SEMA3C: variants seen among roughly 807,000 people sequenced by gnomAD.
SEMA3C encodes semaphorin 3C, also known as semaphorin-3C.
A neutral mutation model predicts 89.4 loss-of-function variants in SEMA3C; 47 were observed. The observed-to-expected ratio is 0.53, with a 90% CI of 0.42 to 0.67. The LOEUF is 0.67. SEMA3C is among the 30% of genes least tolerant of loss of function. SEMA3C has a pLI of 0.00. For synonymous variants in SEMA3C, 310 were observed against 320.2 expected, an observed-to-expected ratio of 0.97 and a Z score of 0.34; for missense variants, 839 against 929.1, an observed-to-expected ratio of 0.90 and a Z score of 1.26.
chr7:80,847,289 T>C (rs1166946737), intron 2 of SEMA3C: 2 of 152,196 alleles, frequency 1.3e-5, no homozygotes, highest in African/African-American at 4.8e-5. Context: ...AAGAATGGTA[T>C]AGATCACTCT....
intron 3 of SEMA3C, among the ~76,000 whole-genome samples, chr7:80,827,766 T>C (rs1789910231): frequency 6.6e-6 from 1 of 152,178 alleles, no homozygotes. Context: ...TTAACATAAA[T>C]GTGAACAATA....
chr7:80,807,259 C>G (rs752722406), intron 6 of SEMA3C, among the ~76,000 whole-genome samples: 1 of 151,928 alleles, frequency 6.6e-6, no homozygotes, highest in African/African-American at 2.4e-5. Context: ...ATTGGCACAG[C>G]TATCAATTGT....
At chr7:80,919,419 C>A, upstream of SEMA3C, 1 of 973,026 alleles carries the variant, frequency 1.0e-6, no homozygotes, top group Non-Finnish European at 1.2e-6. Flanking sequence ...CGAAGACTTA[C>A]ACAGGCTTTG....
chr7:80,773,337 A>C (rs1788476036), intron 12 of SEMA3C, among the ~76,000 whole-genome samples: 1 of 152,202 alleles, frequency 6.6e-6, no homozygotes, highest in Admixed American at 6.5e-5. Flanking sequence ...CTTCAGCAAA[A>C]TGAATGATAA....
At chr7:80,913,362 T>A (rs759680358) in intron 2 of SEMA3C, among the ~76,000 whole-genome samples, 1 of 151,980 alleles carries the variant, frequency 6.6e-6, no homozygotes, top group African/African-American at 2.4e-5. Flanking sequence ...GATCTCACCA[T>A]TGCACTCCAG....
At chr7:80,826,246 A>C (rs545836046) in intron 4 of SEMA3C, among the ~76,000 whole-genome samples, 2 of 152,164 alleles carry the variant, frequency 1.3e-5, no homozygotes, top group South Asian at 4.1e-4. Flanking sequence ...TGTCTGATCC[A>C]TCTCTACTTC....
At chr7:80,788,086 T>C (rs1277899669) in intron 12 of SEMA3C, among the ~76,000 whole-genome samples, 2 of 152,238 alleles carry the variant, frequency 1.3e-5, no homozygotes, top group Non-Finnish European at 2.9e-5. Flanking sequence ...TAGCACACTT[T>C]GGAAATTTTA....
At chr7:80,796,747 CATA>C (rs1251488393) in intron 11 of SEMA3C, 9 of 152,110 alleles carry the variant, frequency 5.9e-5, no homozygotes, top group African/African-American at 1.9e-4. Context: ...AAGCAATTCT[CATA>C]ATTTTTCCAA....
chr7:80,915,184 G>A (rs1030015149), intron 2 of SEMA3C, among the ~76,000 whole-genome samples: 2 of 152,124 alleles, frequency 1.3e-5, no homozygotes, highest in African/African-American at 4.8e-5. Flanking sequence ...GTTCTAACTT[G>A]GGAGGAAAAG....
intron 2 of SEMA3C, among the ~76,000 whole-genome samples, chr7:80,883,437 A>C (rs976193953): frequency 6.6e-6 from 1 of 152,186 alleles, no homozygotes; most frequent in Non-Finnish European, 1.5e-5. Flanking sequence ...TTCAAACTGA[A>C]TCAGAGGTAA....
At chr7:80,886,699 A>G (rs763297429) in intron 2 of SEMA3C, among the ~76,000 whole-genome samples, 4 of 152,308 alleles carry the variant, frequency 2.6e-5, no homozygotes, top group Non-Finnish European at 5.9e-5. Context: ...CTCCCATGAC[A>G]TATCATCTTA....
At chr7:80,907,542 A>T (rs1792044001) in intron 2 of SEMA3C, among the ~76,000 whole-genome samples, 1 of 152,062 alleles carries the variant, frequency 6.6e-6, no homozygotes, top group Non-Finnish European at 1.5e-5. Flanking sequence ...ACAAAGTTGG[A>T]GGCTTTTGAT....
intron 2 of SEMA3C, among the ~76,000 whole-genome samples, chr7:80,829,264 T>C (rs1789954899): frequency 6.6e-6 from 1 of 152,198 alleles, no homozygotes; most frequent in Non-Finnish European, 1.5e-5. Flanking sequence ...GGTAATAGTA[T>C]GTGATTACAA....
upstream of SEMA3C, among the ~76,000 whole-genome samples, chr7:80,920,169 C>T (rs962506845): frequency 2.1e-4 from 32 of 152,254 alleles, no homozygotes; most frequent in African/African-American, 7.7e-4. Context: ...TTCAGGTACA[C>T]TCGTTAAACT....
intron 11 of SEMA3C, among the ~76,000 whole-genome samples, chr7:80,795,470 T>C (rs1583884836): frequency 6.6e-6 from 1 of 152,150 alleles, no homozygotes. Context: ...GACTACTCCC[T>C]TTTTTCACGG....
chr7:80,839,635 C>G (rs1790216751), intron 2 of SEMA3C, among the ~76,000 whole-genome samples: 1 of 152,086 alleles, frequency 6.6e-6, no homozygotes, highest in African/African-American at 2.4e-5. Context: ...AGGTCATTCA[C>G]AAACAATAAG....
In SEMA3C at chr7:80,800,750, T is replaced by A. The variant is rs748049198; in HGVS notation, c.986+7A>T. On this transcript the variant is annotated splice_region_variant and intron_variant, in intron 10 of 17. Transcript: ENST00000265361. ...TAACTCATAAAATGTAACTGTTGAA[T>A]AATTACCTTGATGTTGTAAAAATGC... 5 of 1,507,172 alleles carry A rather than the reference T, an allele frequency of 3.3e-6. No individual in the cohort carries two copies. The highest frequency in any genetic ancestry group is 4.5e-6 in the Non-Finnish European group (5 of 1,115,970). The allele number at this position is 1,507,172 out of a possible 1,614,324, so 93.4% of individuals were successfully genotyped here. A position where few individuals can be genotyped will look rare whatever the true frequency, so the allele number is the denominator to read the frequency against.
At chr7:80,847,530 ACT>A (rs1308923579) in intron 2 of SEMA3C, among the ~76,000 whole-genome samples, 2 of 152,012 alleles carry the variant, frequency 1.3e-5, no homozygotes, top group East Asian at 1.9e-4. Flanking sequence ...TACTGTTGGC[ACT>A]CTCTGCCAGC....
rs1191680534 is a variant in SEMA3C at position 80,919,002 on chromosome 7, C to T, written c.-213G>A. The T allele has an allele frequency of 1.0e-6, 1 of 985,372 alleles. No individual in the cohort carries two copies. The highest frequency in any genetic ancestry group is 1.2e-6 in the Non-Finnish European group (1 of 829,920). The allele number at this position is 985,372 out of a possible 1,614,324, so 61.0% of individuals were successfully genotyped here. On this transcript the variant is annotated 5_prime_UTR_variant, in exon 1 of 18. Transcript: ENST00000265361. ...TAAAGGAATCTCAGCGCTGCAGTGC[C>T]GCGGCACCCGGAGCTCTTCTCCGCG... is the stretch of plus-strand genomic sequence containing the variant.
Sources: gnomAD v4.1 joint callset for allele counts (sites outside exome capture counted in the v4.1 genomes callset) on GRCh38, gnomAD v4.1.1 for gene constraint, MANE v1.5 for transcripts, NCBI Gene and HGNC (gene_info 2026-07-23, HGNC 2026-07-21) for gene names.